ATM: variants seen among roughly 807,000 people sequenced by gnomAD.
ATM encodes the protein serine-protein kinase ATM.
ATM carries 308 observed loss-of-function variants against 387.0 expected under a neutral mutation model. The ratio of observed to expected loss-of-function variants is 0.80; its 90% confidence interval spans 0.73 to 0.87. The LOEUF (loss-of-function observed/expected upper bound fraction) is 0.87, where lower values mean the gene tolerates loss of function less well. Among genes scored for constraint, ATM ranks in the 40% least tolerant of loss-of-function variants. The pLI is 0.00. For missense variants in ATM, 3,312 were observed against 3,560.9 expected (o/e 0.93, Z 1.78); for synonymous variants, 1,156 against 1,187.3 (o/e 0.97, Z 0.54).
chr11:108,319,277 C>T (rs1220041973), intron 43 of ATM, among the ~76,000 whole-genome samples: 1 of 152,126 alleles, frequency 6.6e-6, no homozygotes, highest in Non-Finnish European at 1.5e-5. Context: ...TTTTCCTGTG[C>T]GAGTTGATTC....
At position 108,367,661 on chromosome 11, in the gene ATM, G is replaced by A. The variant is rs1021493177; in HGVS notation, c.*2153G>A. On this transcript the variant is annotated 3_prime_UTR_variant, in exon 63 of 63. Coordinates refer to ENST00000675843, the MANE Select transcript of ATM (RefSeq NM_000051.4). ...ATAAATTTTTTTCTTATGAAGAGTT[G>A]GCATTTCTTTTTATTGCCAATGGCA... 2.2e-4 allele frequency: 46 copies of A among 212,856 alleles called. No homozygotes were observed. The highest frequency in any genetic ancestry group is 5.7e-5 in the Non-Finnish European group (6 of 105,006). The allele number at this position is 212,856 out of a possible 1,614,324, so 13.2% of individuals were successfully genotyped here.
intron 8 of ATM, among the ~76,000 whole-genome samples, chr11:108,247,666 G>A (rs774939489): frequency 5.9e-5 from 9 of 152,046 alleles, no homozygotes; most frequent in Non-Finnish European, 8.8e-5. Context: ...CACAATCTCC[G>A]CTCACTGCAA....
rs786203693 is a variant in ATM, at chr11:108,250,824, A to G, written c.1359A>G (p.Pro453=). 6 of 1,614,134 alleles carry G rather than the reference A, an allele frequency of 3.7e-6. No homozygotes were observed. Among genetic ancestry groups the G allele is most frequent in the Non-Finnish European group, 5.1e-6 (6 of 1,180,028 alleles). The change falls in exon 10 of 63, where the codon CCA becomes CCG. Residue 453 remains proline, a synonymous_variant. Transcript: ENST00000675843. ...AACAGCGACATGGGGAACGTACACCATATGTGTTACGATGCCTTACGGAAG... is the reference window on the plus strand; with the variant it reads ...AACAGCGACATGGGGAACGTACACCGTATGTGTTACGATGCCTTACGGAAG... ...LPQQRHGERT[P]YVLRCLTEVA...
intron 36 of ATM, 42 bp from the exon 37 acceptor site, chr11:108,304,633 T>A (rs2083585915): frequency 6.3e-7 from 1 of 1,590,066 alleles, no homozygotes; most frequent in Non-Finnish European, 8.6e-7. Context: ...ATTTTACTCA[T>A]TTTTACTCAA....
chr11:108,363,233 T>A (rs1203537245), intron 61 of ATM, among the ~76,000 whole-genome samples: 1 of 152,230 alleles, frequency 6.6e-6, no homozygotes, highest in Non-Finnish European at 1.5e-5. Flanking sequence ...CTTGGATTCA[T>A]TTCTTTTCTT....
chr11:108,259,502 A>T (rs575626744), intron 16 of ATM, among the ~76,000 whole-genome samples: 2 of 152,320 alleles, frequency 1.3e-5, no homozygotes, highest in East Asian at 1.9e-4. Flanking sequence ...AAAAAAATTT[A>T]AAAAATTAAA....
chr11:108,329,588 T>A (rs144243166), intron 49 of ATM, among the ~76,000 whole-genome samples: 321 of 152,220 alleles, frequency 2.1e-3, no homozygotes, highest in African/African-American at 7.4e-3. Context: ...TTTTTGTATT[T>A]TTTGTAGAGA....
intron 42 of ATM, 105 bp from the exon 43 acceptor site, chr11:108,317,268 A>C: frequency 2.5e-6 from 3 of 1,223,906 alleles, no homozygotes; most frequent in Non-Finnish European, 3.5e-6. Context: ...TGATATTGTG[A>C]ACTAAAATTT....
chr11:108,256,217 TA>T lies in ATM; in HGVS notation c.2128del (p.Thr710GlnfsTer25). On this transcript the variant is annotated frameshift_variant, in exon 14 of 63. Coordinates refer to ENST00000675843, the MANE Select transcript of ATM (RefSeq NM_000051.4). LOFTEE classifies it high-confidence loss of function. ...QLLNNYSSEI[T>X]NSETLVRCSR... ...TTTTATTTGTGGTTTACTTTAAGAT[TA>T]CAAATTCAGAAACTCTTGTCCGGTG... is the stretch of plus-strand genomic sequence containing the variant. 1 of 1,603,762 alleles carries T rather than the reference TA, an allele frequency of 6.2e-7. No homozygotes were observed. Among genetic ancestry groups the T allele is most frequent in the Non-Finnish European group, 8.5e-7 (1 of 1,173,426 alleles).
At chr11:108,326,277 AC>A (rs2085680264) in intron 47 of ATM, 52 bp downstream of exon 47, 1 of 1,596,120 alleles carries the variant, frequency 6.3e-7, no homozygotes, top group South Asian at 1.1e-5. Flanking sequence ...TTAAAAAAAC[AC>A]AAATGTACTT....
At chr11:108,237,634 T>C (rs1348424280) in intron 5 of ATM, among the ~76,000 whole-genome samples, 1 of 152,184 alleles carries the variant, frequency 6.6e-6, no homozygotes, top group Non-Finnish European at 1.5e-5. Flanking sequence ...GCTCAAAATA[T>C]ATATTTGGTA....
At position 108,309,121 on chromosome 11, in the gene ATM, C is replaced by G. The variant is rs1355740492; in HGVS notation, c.5763-1039C>G. The G allele has an allele frequency of 4.9e-6, 5 of 1,024,372 alleles. No homozygotes were observed. In the South Asian group the frequency reaches 5.5e-5, roughly 11 times the overall value. 63.5% of individuals were successfully genotyped at this position (1,024,372 alleles called of 1,614,324 possible). On this transcript the variant is annotated intron_variant, in intron 38 of 62. Transcript: ENST00000675843. ...AGAAAAACGGGTAAAGACATGCATT[C>G]AAGTCCAAGCTTGTGCTGTGTAAAA...
intron 8 of ATM, among the ~76,000 whole-genome samples, chr11:108,247,484 G>C (rs1283664550): frequency 6.6e-6 from 1 of 151,802 alleles, no homozygotes; most frequent in Non-Finnish European, 1.5e-5. Flanking sequence ...TTGCAATTAA[G>C]CTAGAGTTCA....
chr11:108,293,919 A>G (rs608875), intron 31 of ATM, among the ~76,000 whole-genome samples: 37,387 of 113,066 alleles, frequency 0.33, 6,768 homozygotes, highest in Middle Eastern at 0.37. Flanking sequence ...ATATATATAT[A>G]TGTGTGTGTA....
intron 37 of ATM, among the ~76,000 whole-genome samples, chr11:108,307,075 C>T (rs1332683898): frequency 6.6e-6 from 1 of 152,034 alleles, no homozygotes; most frequent in African/African-American, 2.4e-5. Context: ...TTATTATTGC[C>T]TGTAGCACTA....
At chr11:108,255,029 G>T (rs2080387031) in intron 13 of ATM, among the ~76,000 whole-genome samples, 1 of 152,048 alleles carries the variant, frequency 6.6e-6, no homozygotes, top group South Asian at 2.1e-4. Context: ...TTATACCATG[G>T]ATATTTACAT....
At chr11:108,303,445 C>T (rs773227230) in intron 36 of ATM, among the ~76,000 whole-genome samples, 2 of 151,982 alleles carry the variant, frequency 1.3e-5, no homozygotes, top group Non-Finnish European at 2.9e-5. Context: ...TTTATCTCAA[C>T]GAAGAGTAAA....
chr11:108,248,912 G>A (rs2079986350), intron 8 of ATM, 21 bp from the exon 9 acceptor site: 1 of 1,582,566 alleles, frequency 6.3e-7, no homozygotes, highest in Non-Finnish European at 8.6e-7. Context: ...AGAAAAAAGT[G>A]GATTTATTTT....
intron 25 of ATM, among the ~76,000 whole-genome samples, chr11:108,283,126 C>T (rs1389652678): frequency 1.3e-5 from 2 of 152,110 alleles, no homozygotes; most frequent in African/African-American, 2.4e-5. Flanking sequence ...ACATAAAGAC[C>T]CTCTATGCCT....
Sources: gnomAD v4.1 joint callset for allele counts (sites outside exome capture counted in the v4.1 genomes callset) on GRCh38, gnomAD v4.1.1 for gene constraint, MANE v1.5 for transcripts, NCBI Gene and HGNC (gene_info 2026-07-23, HGNC 2026-07-21) for gene names.